The following IL16 variants were observed in gnomAD, a reference collection of about 807,000 sequenced individuals.
IL16 encodes pro-interleukin-16.
A neutral mutation model predicts 110.1 loss-of-function variants in IL16; 67 were observed. The ratio of observed to expected loss-of-function variants is 0.61; its 90% CI spans 0.50 to 0.75. The LOEUF (loss-of-function observed/expected upper bound fraction) is 0.75. Among genes scored for constraint, IL16 ranks in the 30% least tolerant of loss-of-function variants. The probability of loss-of-function intolerance (pLI) is 0.00; values close to 1 mark genes in which losing one functional copy is unlikely to be tolerated. For synonymous variants in IL16, 689 were observed against 662.9 expected (o/e 1.04, Z -0.61); for missense variants, 1,545 against 1,655.0 (o/e 0.93, Z 1.15).
intron 18 of IL16, among the ~76,000 whole-genome samples, chr15:81,307,312 G>T (rs1358041757): frequency 6.6e-6 from 1 of 152,124 alleles, no homozygotes; most frequent in Non-Finnish European, 1.5e-5. Context: ...TTCCCTTCTG[G>T]GCCTGAGGCT....
chr15:81,285,580 T>C (rs1899408348), intron 9 of IL16, 118 bp from the exon 10 acceptor site: 1 of 1,096,118 alleles, frequency 9.1e-7, no homozygotes, highest in Non-Finnish European at 1.3e-6. Flanking sequence ...GGTCTACTTA[T>C]TCATGTGATT....
intron 1 of IL16, among the ~76,000 whole-genome samples, chr15:81,199,035 A>T (rs1453115068): frequency 2.2e-4 from 12 of 53,438 alleles, no homozygotes; most frequent in Admixed American, 5.4e-4. Context: ...AAAAAAATAT[A>T]TATATATATA....
intron 2 of IL16, among the ~76,000 whole-genome samples, chr15:81,227,216 C>A (rs779578058): frequency 6.6e-6 from 1 of 151,928 alleles, no homozygotes; most frequent in African/African-American, 2.4e-5. Flanking sequence ...AGTCCTATTG[C>A]AACTTTTATT....
chr15:81,290,397 G>A, intron 10 of IL16, 56 bp from the exon 11 acceptor site: 2 of 1,295,034 alleles, frequency 1.5e-6, no homozygotes, highest in Non-Finnish European at 2.2e-6. Flanking sequence ...ACGGGGCTGG[G>A]AGCCTGATGC....
In IL16 at chr15:81,296,853, A is replaced by G. The variant is rs1014508899; in HGVS notation, c.1903-75A>G. On this transcript the variant is annotated intron_variant, in intron 12 of 18. Coordinates refer to ENST00000683961, the MANE Select transcript of IL16 (RefSeq NM_172217.5). ...GCTCAATATCCGTTTTTCCGTCCCA[A>G]TCAAAGCGTGTCTCGCCTTCTCACA... 4.4e-6 allele frequency: 6 copies of G among 1,365,356 alleles called. No homozygotes were observed. The African/African-American group carries it at 4.4e-5, about 10-fold the overall frequency. 84.6% of individuals were successfully genotyped at this position (1,365,356 alleles called of 1,614,324 possible).
chr15:81,260,230 C>T (rs928078725), intron 3 of IL16, among the ~76,000 whole-genome samples: 1 of 152,090 alleles, frequency 6.6e-6, no homozygotes, highest in African/African-American at 2.4e-5. Context: ...TTTTTATTAG[C>T]TGAAAATAGA....
rs1348877608 is a variant in IL16 at position 81,225,279 on chromosome 15, C to A, written c.-101-20C>A. 2.7e-6 allele frequency: 4 copies of A among 1,490,984 alleles called. No homozygotes were observed. Among genetic ancestry groups the A allele is most frequent in the African/African-American group, 2.8e-5 (2 of 71,816 alleles). The allele number at this position is 1,490,984 out of a possible 1,614,324, so 92.4% of individuals were successfully genotyped here. ...CAGCAGCAAGTCACATTGCTTCTTC[C>A]CATTTCCTCTTTCCTCTAGGGACTC... On this transcript the variant is annotated intron_variant, in intron 1 of 18. Transcript: ENST00000683961.
At chr15:81,214,472 G>T (rs950004089) in intron 1 of IL16, among the ~76,000 whole-genome samples, 1 of 152,126 alleles carries the variant, frequency 6.6e-6, no homozygotes, top group Non-Finnish European at 1.5e-5. Flanking sequence ...GACTTGTAAG[G>T]TTTCTGCTGA....
At chr15:81,292,045 G>A (rs1899744030) in intron 11 of IL16, 1 of 451,398 alleles carries the variant, frequency 2.2e-6, no homozygotes, top group Admixed American at 2.4e-5. Flanking sequence ...GACAGAGGGA[G>A]GACGGAGCTG....
intron 6 of IL16, among the ~76,000 whole-genome samples, chr15:81,274,018 G>A (rs1898781187): frequency 6.7e-6 from 1 of 150,366 alleles, no homozygotes; most frequent in Admixed American, 6.7e-5. Context: ...AGGAGGCAAA[G>A]TTCAGGGGCT....
chr15:81,300,634 A>AGTGT (rs56859031), intron 14 of IL16, among the ~76,000 whole-genome samples, 159 bp downstream of exon 14: 1 of 151,750 alleles, frequency 6.6e-6, no homozygotes, highest in Non-Finnish European at 1.5e-5. Flanking sequence ...CAGATGTCTG[A>AGTGT]GTGTGTGTGT....
intron 3 of IL16, among the ~76,000 whole-genome samples, chr15:81,262,959 G>A (rs1373516306): frequency 6.6e-6 from 1 of 152,168 alleles, no homozygotes; most frequent in African/African-American, 2.4e-5. Context: ...TCAGATAGTT[G>A]AAATCAGTGT....
intron 15 of IL16, among the ~76,000 whole-genome samples, chr15:81,302,461 A>G (rs2141621684): frequency 6.6e-6 from 1 of 152,292 alleles, no homozygotes; most frequent in Non-Finnish European, 1.5e-5. Flanking sequence ...AAGGCAAGTA[A>G]CCTGATACTT....
rs150521025 is a variant in IL16 at position 81,183,061 on chromosome 15, G to A, written c.40+165G>A. Among the ~76,000 whole-genome samples, 874 of 152,262 alleles carry A rather than the reference G, an allele frequency of 5.7e-3. 3 individuals carry two copies. Among genetic ancestry groups the A allele is most frequent in the Non-Finnish European group, 9.6e-3 (651 of 67,982 alleles). ...CACACGTGTGAGTGTGTGTGCACAC[G>A]TGTAAGTGTGTGCACACGTGTGCTA... is the stretch of plus-strand genomic sequence containing the variant. On this transcript the variant is annotated intron_variant, in intron 1 of 18. Transcript: ENST00000302987.
intron 1 of IL16, among the ~76,000 whole-genome samples, chr15:81,216,707 AC>A (rs1156380935): frequency 3.9e-5 from 6 of 152,092 alleles, no homozygotes; most frequent in South Asian, 2.1e-4. Flanking sequence ...GAGGCTGCCT[AC>A]CGAGCATTCA....
intron 14 of IL16, 57 bp downstream of exon 14, chr15:81,300,532 T>A: frequency 8.6e-7 from 1 of 1,164,182 alleles, no homozygotes; most frequent in Non-Finnish European, 1.2e-6. Context: ...CTTTCTCATC[T>A]TTATTTTTAA....
chr15:81,280,249 T>C (rs544819298), intron 8 of IL16, among the ~76,000 whole-genome samples: 1 of 152,246 alleles, frequency 6.6e-6, no homozygotes, highest in East Asian at 1.9e-4. Flanking sequence ...TCTGCCTGAA[T>C]GCAACCGAAC....
intron 2 of IL16, among the ~76,000 whole-genome samples, chr15:81,256,889 AAAG>A (rs1271903672): frequency 6.6e-6 from 1 of 152,352 alleles, no homozygotes; most frequent in East Asian, 1.9e-4. Context: ...TGGATTACAT[AAAG>A]AAGTTTTCAC....
intron 1 of IL16, among the ~76,000 whole-genome samples, chr15:81,187,668 T>C (rs1169286174): frequency 6.6e-6 from 1 of 152,224 alleles, no homozygotes; most frequent in Non-Finnish European, 1.5e-5. Context: ...TTTCAATTTT[T>C]GCTGATAATA....
Sources: allele counts gnomAD v4.1 joint callset (sites outside exome capture counted in the v4.1 genomes callset), GRCh38; gene constraint gnomAD v4.1.1; transcripts MANE v1.5; gene names NCBI Gene and HGNC (gene_info 2026-07-23, HGNC 2026-07-21).